Variants in KALRN observed in about 807,000 individuals in gnomAD.
The protein encoded by KALRN is kalirin.
Under a neutral mutation model 353.7 loss-of-function variants are expected in KALRN, and 70 were observed. The ratio of observed to expected loss-of-function variants is 0.20; its 90% CI spans 0.16 to 0.24. The LOEUF (loss-of-function observed/expected upper bound fraction) is 0.24. Ranked by LOEUF, KALRN falls within the 10% of genes least tolerant of loss-of-function variation. The probability of loss-of-function intolerance (pLI) is 1.00; values close to 1 mark genes in which losing one functional copy is unlikely to be tolerated. For missense variants in KALRN, 2,791 were observed against 3,756.7 expected (o/e 0.74, Z 6.72); for synonymous variants, 1,391 against 1,434.8 (o/e 0.97, Z 0.69).
intron 1 of KALRN, among the ~76,000 whole-genome samples, chr3:124,205,436 A>G (rs1256122624): frequency 1.3e-5 from 2 of 152,212 alleles, no homozygotes; most frequent in Non-Finnish European, 2.9e-5. Flanking sequence ...TGGGCAAATC[A>G]TTTGACTTCT....
At chr3:124,622,736 T>C (rs1386692167) in intron 34 of KALRN, among the ~76,000 whole-genome samples, 1 of 152,198 alleles carries the variant, frequency 6.6e-6, no homozygotes, top group Non-Finnish European at 1.5e-5. Flanking sequence ...TACTTCCAAA[T>C]CGCCTTGGGG....
chr3:124,631,685 C>T (rs2080801784), intron 34 of KALRN, among the ~76,000 whole-genome samples: 1 of 152,160 alleles, frequency 6.6e-6, no homozygotes, highest in Admixed American at 6.6e-5. Flanking sequence ...TTTCCACTTG[C>T]CCTCAATATA....
At chr3:124,137,087 T>C (rs1342324043) in intron 1 of KALRN, among the ~76,000 whole-genome samples, 2 of 152,142 alleles carry the variant, frequency 1.3e-5, no homozygotes, top group East Asian at 3.9e-4. Context: ...CTGATGAATA[T>C]AGCAGAGGAC....
At chr3:124,121,093 C>CAAAAAAAAAAAAA (rs35883031) in intron 1 of KALRN, among the ~76,000 whole-genome samples, 1 of 75,126 alleles carries the variant, frequency 1.3e-5, no homozygotes, top group Non-Finnish European at 2.4e-5. Flanking sequence ...GACTCCATCT[C>CAAAAAAAAAAAAA]AAAAAAAAAA....
At chr3:124,601,521 T>G (rs893662728) in intron 34 of KALRN, among the ~76,000 whole-genome samples, 6 of 152,236 alleles carry the variant, frequency 3.9e-5, no homozygotes, top group African/African-American at 1.4e-4. Context: ...TGATTCACGA[T>G]GACAATTGTT....
At chr3:124,671,936 G>T (rs752955111) in intron 48 of KALRN, 38 bp downstream of exon 48, 2 of 1,443,026 alleles carry the variant, frequency 1.4e-6, no homozygotes, top group Non-Finnish European at 1.9e-6. Flanking sequence ...TTGTCACTAC[G>T]ATGGCATAGC....
intron 33 of KALRN, among the ~76,000 whole-genome samples, chr3:124,533,043 A>G (rs531474739): frequency 1.3e-5 from 2 of 149,232 alleles, no homozygotes; most frequent in African/African-American, 4.9e-5. Flanking sequence ...ATACATAATT[A>G]TTATCTATAC....
chr3:124,146,302 T>A (rs979410507), intron 1 of KALRN, among the ~76,000 whole-genome samples: 2 of 152,182 alleles, frequency 1.3e-5, no homozygotes, highest in Non-Finnish European at 2.9e-5. Context: ...TTTAGAAACT[T>A]TATAGCAATT....
intron 1 of KALRN, among the ~76,000 whole-genome samples, chr3:124,138,634 C>T (rs1188851958): frequency 6.6e-6 from 1 of 152,198 alleles, no homozygotes; most frequent in Non-Finnish European, 1.5e-5. Flanking sequence ...TCTCTCCCTC[C>T]ACCTTTCCTT....
intron 33 of KALRN, among the ~76,000 whole-genome samples, chr3:124,549,672 A>T (rs2070222648): frequency 6.6e-6 from 1 of 152,176 alleles, no homozygotes; most frequent in Admixed American, 6.5e-5. Flanking sequence ...TCAGTGTTAA[A>T]ATGTGTAAGA....
chr3:124,383,541 A>G (rs9869539), intron 10 of KALRN, among the ~76,000 whole-genome samples: 23,308 of 152,088 alleles, frequency 0.15, 1,893 homozygotes, highest in Admixed American at 0.23. Context: ...TCATCTTCAC[A>G]TAGCATTGTC....
rs1347002667 is a variant in KALRN, at chr3:124,699,944, G to A, written c.7907G>A (p.Cys2636Tyr). ...YLVIEDLSPGCPYQFRVSASN... is the reference protein window; with the variant it reads ...YLVIEDLSPGYPYQFRVSASN... The stretch of plus-strand genomic sequence containing the variant: ...GTCATCGAAGACCTTAGTCCCGGGT[G>A]TCCTTATCAGTTCAGAGTCAGTGCC... Residue 2636 changes from cysteine to tyrosine, a missense_variant, in exon 56 of 60, where the codon TGT (cysteine) becomes TAT (tyrosine). Coordinates refer to ENST00000682506, the MANE Select transcript of KALRN (RefSeq NM_001388419.1). 1.9e-6 allele frequency: 3 copies of A among 1,614,162 alleles called. No homozygotes were observed. The highest frequency in any genetic ancestry group is 2.5e-6 in the Non-Finnish European group (3 of 1,180,016).
At chr3:124,224,120 T>C (rs1248484315) in intron 1 of KALRN, among the ~76,000 whole-genome samples, 2 of 151,300 alleles carry the variant, frequency 1.3e-5, no homozygotes, top group Non-Finnish European at 2.9e-5. Context: ...ACCACCCACG[T>C]TGGGTCAGGT....
intron 38 of KALRN, among the ~76,000 whole-genome samples, chr3:124,651,987 A>G (rs538600153): frequency 1.3e-5 from 2 of 152,312 alleles, no homozygotes; most frequent in Admixed American, 1.3e-4. Context: ...AAGCAGAGCT[A>G]CTGATGAGTC....
chr3:124,083,819 G>A (rs931834989), intron 1 of KALRN, among the ~76,000 whole-genome samples: 7 of 152,168 alleles, frequency 4.6e-5, no homozygotes, highest in Non-Finnish European at 8.8e-5. Flanking sequence ...CAATCAACTT[G>A]GAAATTGTCT....
At chr3:124,083,879 TTGTC>T (rs1055033138) in intron 1 of KALRN, among the ~76,000 whole-genome samples, 1 of 152,236 alleles carries the variant, frequency 6.6e-6, no homozygotes, top group African/African-American at 2.4e-5. Flanking sequence ...GACTCTGTCT[TTGTC>T]AGGCAGACGA....
chr3:124,354,145 T>C (rs1441351352), intron 10 of KALRN, among the ~76,000 whole-genome samples: 1 of 151,688 alleles, frequency 6.6e-6, no homozygotes, highest in Non-Finnish European at 1.5e-5. Flanking sequence ...CCATGAACTG[T>C]CACCCACATT....
intron 29 of KALRN, among the ~76,000 whole-genome samples, chr3:124,489,642 A>T (rs1410029587): frequency 6.6e-6 from 1 of 152,112 alleles, no homozygotes; most frequent in Admixed American, 6.5e-5. Flanking sequence ...CCCACCCTGG[A>T]AGTACCTGCA....
At chr3:124,358,059 C>A (rs1367179651) in intron 10 of KALRN, among the ~76,000 whole-genome samples, 1 of 152,184 alleles carries the variant, frequency 6.6e-6, no homozygotes, top group Non-Finnish European at 1.5e-5. Context: ...ATAGAATTAG[C>A]AAGACTGCCC....
Sources: gnomAD v4.1 joint callset for allele counts (sites outside exome capture counted in the v4.1 genomes callset) on GRCh38, gnomAD v4.1.1 for gene constraint, MANE v1.5 for transcripts, NCBI Gene and HGNC (gene_info 2026-07-23, HGNC 2026-07-21) for gene names.